Variants in CSGALNACT1 observed in about 807,000 individuals in gnomAD.
CSGALNACT1 encodes beta4GalNAcT-1.
A neutral mutation model predicts 51.0 loss-of-function variants in CSGALNACT1; 52 were observed. The observed-to-expected ratio is 1.02, with a 90% CI of 0.82 to 1.29. CSGALNACT1 has a LOEUF of 1.29. CSGALNACT1 is among the 50% of genes most tolerant of loss of function. The probability of loss-of-function intolerance (pLI) is 0.00; values close to 1 mark genes in which losing one functional copy is unlikely to be tolerated. For missense variants in CSGALNACT1, 935 were observed against 679.2 expected (o/e 1.38, Z -4.19); for synonymous variants, 341 against 254.4 (o/e 1.34, Z -3.24).
chr8:19,674,536 C>T (rs557781980), intron 1 of CSGALNACT1, among the ~76,000 whole-genome samples: 35 of 152,048 alleles, frequency 2.3e-4, no homozygotes, highest in Non-Finnish European at 4.6e-4. Context: ...GGGAGAAGAA[C>T]AGTGGGAAAA....
intron 4 of CSGALNACT1, among the ~76,000 whole-genome samples, chr8:19,470,404 G>A (rs1245018270): frequency 6.6e-6 from 1 of 152,198 alleles, no homozygotes; most frequent in African/African-American, 2.4e-5. Flanking sequence ...AGAGGTGCAG[G>A]CAGCGAGGCC....
At chr8:19,456,661 G>A (rs2064168415) in intron 5 of CSGALNACT1, among the ~76,000 whole-genome samples, 1 of 152,182 alleles carries the variant, frequency 6.6e-6, no homozygotes, top group South Asian at 2.1e-4. Context: ...CTCACTTCAG[G>A]ACTGGAGCCA....
At chr8:19,670,178 T>A (rs1195249865) in intron 1 of CSGALNACT1, among the ~76,000 whole-genome samples, 1 of 152,172 alleles carries the variant, frequency 6.6e-6, no homozygotes, top group Non-Finnish European at 1.5e-5. Flanking sequence ...GGCACTGTTT[T>A]TGCACTTATA....
chr8:19,754,948 T>C (rs377045917), intron 1 of CSGALNACT1, among the ~76,000 whole-genome samples: 8 of 152,342 alleles, frequency 5.3e-5, no homozygotes, highest in African/African-American at 1.9e-4. Context: ...TTAGCCCTAA[T>C]ATATAGTAGG....
intron 8 of CSGALNACT1, among the ~76,000 whole-genome samples, chr8:19,417,428 G>A (rs892482865): frequency 6.6e-6 from 1 of 152,158 alleles, no homozygotes; most frequent in Admixed American, 6.5e-5. Context: ...GGGGAGAGAG[G>A]ATGAAAGGCA....
At chr8:19,590,208 G>A (rs1012379358) in intron 3 of CSGALNACT1, among the ~76,000 whole-genome samples, 1 of 152,166 alleles carries the variant, frequency 6.6e-6, no homozygotes, top group Non-Finnish European at 1.5e-5. Flanking sequence ...AATCATCCCA[G>A]AAAATTTCTT....
chr8:19,532,363 CTG>C (rs1382965295), intron 3 of CSGALNACT1, among the ~76,000 whole-genome samples: 8 of 152,184 alleles, frequency 5.3e-5, no homozygotes, highest in South Asian at 4.2e-4. Context: ...TTAGGGGTGA[CTG>C]GGGATGAGGA....
chr8:19,494,978 G>C (rs1368459907), intron 4 of CSGALNACT1: 1 of 152,060 alleles, frequency 6.6e-6, no homozygotes, highest in Non-Finnish European at 1.5e-5. Flanking sequence ...TCCCACCTCA[G>C]CTCCTATATG....
At chr8:19,722,630 C>T (rs2063186979) in intron 1 of CSGALNACT1, among the ~76,000 whole-genome samples, 1 of 152,200 alleles carries the variant, frequency 6.6e-6, no homozygotes. Flanking sequence ...TTCAATCCAG[C>T]TGGCCACTCT....
chr8:19,530,289 A>C lies in CSGALNACT1; in HGVS notation c.-296-24159T>G, dbSNP rs531169077. ...AATCCATGGTTGGTTGAATCCATTC[A>C]ATATCCATGAATGTGTACACATACA... On this transcript the variant is annotated intron_variant, in intron 3 of 9. Coordinates refer to ENST00000454498, the Ensembl canonical transcript of CSGALNACT1. 2.0e-5 allele frequency among the ~76,000 whole-genome samples: 3 copies of C among 151,274 alleles called. No individual in the cohort carries two copies. The East Asian group carries it at 5.9e-4, about 30-fold the overall frequency.
intron 1 of CSGALNACT1, among the ~76,000 whole-genome samples, chr8:19,617,101 G>T (rs1211944771): frequency 6.6e-6 from 1 of 152,192 alleles, no homozygotes; most frequent in Non-Finnish European, 1.5e-5. Context: ...GACAATGACA[G>T]ATCATCAGGC....
intron 1 of CSGALNACT1, among the ~76,000 whole-genome samples, chr8:19,708,404 A>G (rs1186156686): frequency 6.6e-6 from 1 of 152,152 alleles, no homozygotes; most frequent in African/African-American, 2.4e-5. Context: ...CCCAGATTTT[A>G]GGATATTTTC....
chr8:19,640,863 A>C (rs2056654874), intron 1 of CSGALNACT1, among the ~76,000 whole-genome samples: 1 of 151,656 alleles, frequency 6.6e-6, no homozygotes, highest in Admixed American at 6.6e-5. Context: ...TTATGAGCTT[A>C]AGACTTAAGT....
At chr8:19,686,034 ATTAC>A (rs1345611063), upstream of CSGALNACT1, among the ~76,000 whole-genome samples, 2 of 152,222 alleles carry the variant, frequency 1.3e-5, no homozygotes, top group Non-Finnish European at 2.9e-5. Flanking sequence ...AAGTAGGAAG[ATTAC>A]AGTGATAGCT....
chr8:19,603,350 C>T (rs535665843), upstream of CSGALNACT1, among the ~76,000 whole-genome samples: 1 of 152,314 alleles, frequency 6.6e-6, no homozygotes, highest in South Asian at 2.1e-4. Context: ...CCCACCCACT[C>T]TCACCCCAGT....
chr8:19,600,809 T>A (rs958372071), intron 2 of CSGALNACT1, among the ~76,000 whole-genome samples: 1 of 150,564 alleles, frequency 6.6e-6, no homozygotes, highest in African/African-American at 2.5e-5. Context: ...TTTATCTTAA[T>A]AGTGTGACAA....
intron 1 of CSGALNACT1, among the ~76,000 whole-genome samples, chr8:19,746,103 A>G (rs912929229): frequency 6.6e-6 from 1 of 152,194 alleles, no homozygotes; most frequent in Non-Finnish European, 1.5e-5. Flanking sequence ...TAAGTTTTCT[A>G]TGTTTATTCA....
intron 1 of CSGALNACT1, among the ~76,000 whole-genome samples, chr8:19,615,147 T>C (rs962323137): frequency 6.6e-6 from 1 of 152,072 alleles, no homozygotes; most frequent in Admixed American, 6.6e-5. Flanking sequence ...CTCCTAAAAA[T>C]ACAAAAATTA....
At chr8:19,679,419 T>G (rs975147034) in intron 1 of CSGALNACT1, among the ~76,000 whole-genome samples, 1 of 152,058 alleles carries the variant, frequency 6.6e-6, no homozygotes, top group Non-Finnish European at 1.5e-5. Context: ...ATCATGCCAC[T>G]GTACTCCAGC....
Sources: allele counts gnomAD v4.1 joint callset (sites outside exome capture counted in the v4.1 genomes callset), GRCh38; gene constraint gnomAD v4.1.1; transcripts MANE v1.5; gene names NCBI Gene and HGNC (gene_info 2026-07-23, HGNC 2026-07-21).